Variants in SUGCT observed in about 807,000 individuals in gnomAD.
SUGCT encodes succinyl-CoA:glutarate-CoA transferase, also known as succinyl-CoA:glutarate CoA-transferase.
A neutral mutation model predicts 55.0 loss-of-function variants in SUGCT; 41 were observed. The observed-to-expected ratio is 0.74, with a 90% CI of 0.58 to 0.97. The LOEUF (loss-of-function observed/expected upper bound fraction) is 0.97. SUGCT is among the 50% of genes least tolerant of loss of function. SUGCT has a pLI of 0.00. For synonymous variants in SUGCT, 187 were observed against 200.4 expected (o/e 0.93, Z 0.56); for missense variants, 568 against 547.8 (o/e 1.04, Z -0.37).
intron 12 of SUGCT, among the ~76,000 whole-genome samples, chr7:40,563,911 T>G (rs1387703097): frequency 6.6e-6 from 1 of 152,092 alleles, no homozygotes; most frequent in Non-Finnish European, 1.5e-5. Context: ...ATATAAAAAG[T>G]AGTCCCCCAG....
At chr7:40,301,689 C>A (rs886131907) in intron 8 of SUGCT, among the ~76,000 whole-genome samples, 1 of 152,156 alleles carries the variant, frequency 6.6e-6, no homozygotes, top group Non-Finnish European at 1.5e-5. Context: ...TGTGACATGG[C>A]CAGAGAAGGA....
intron 12 of SUGCT, among the ~76,000 whole-genome samples, chr7:40,695,632 T>C (rs1784893567): frequency 6.6e-6 from 1 of 152,152 alleles, no homozygotes; most frequent in African/African-American, 2.4e-5. Context: ...CAATAGCAAA[T>C]ATTACTGAGA....
the SUGCT span, among the ~76,000 whole-genome samples, chr7:41,018,713 T>C: frequency 1.3e-5 from 2 of 152,228 alleles, no homozygotes; most frequent in Admixed American, 6.5e-5. Context: ...GAAGAAACTA[T>C]GGAGGATAGA....
At position 40,245,418 on chromosome 7, in the gene SUGCT, TATATA is replaced by T. The variant is rs1367605345; in HGVS notation, c.576+7693_576+7697del. 7.2e-3 allele frequency among the ~76,000 whole-genome samples: 222 copies of T among 30,992 alleles called. 7 individuals are homozygous for T. Among genetic ancestry groups the T allele is most frequent in the Admixed American group, 0.016 (32 of 2,046 alleles). The allele number at this position is 30,992 out of a possible 152,430, so 20.3% of individuals were successfully genotyped here. On this transcript the variant is annotated intron_variant, in intron 7 of 13. Coordinates refer to ENST00000335693, the MANE Select transcript of SUGCT (RefSeq NM_001193313.2). ...TACGTAGTAGACATATATATATATATATATATTTTTTTTTTTTTTTTTTTTTTTTT... is the reference window on the plus strand; with the variant it reads ...TACGTAGTAGACATATATATATATATTTTTTTTTTTTTTTTTTTTTTTTTT...
intron 7 of SUGCT, among the ~76,000 whole-genome samples, chr7:40,248,935 C>G (rs4720357): frequency 1.4e-5 from 2 of 145,694 alleles, no homozygotes; most frequent in Non-Finnish European, 3.1e-5. Flanking sequence ...CTCCCTCTCT[C>G]TCTGTCTCTC....
At position 40,267,016 on chromosome 7, in the gene SUGCT, A is replaced by C. The variant is rs909710906; in HGVS notation, c.577-7497A>C. ...GGGAGACAGAGCAAGACTCCATCTA[A>C]AAAAAACAAAAACAAACAAACAAAA... On this transcript the variant is annotated intron_variant, in intron 7 of 13. Coordinates refer to ENST00000335693, the MANE Select transcript of SUGCT (RefSeq NM_001193313.2). 3.5e-5 allele frequency among the ~76,000 whole-genome samples: 3 copies of C among 86,268 alleles called. No homozygotes were observed. In the South Asian group the frequency reaches 1.6e-3, roughly 46 times the overall value. The allele number at this position is 86,268 out of a possible 152,430, so 56.6% of individuals were successfully genotyped here. A position where few individuals can be genotyped will look rare whatever the true frequency, so the allele number is the denominator to read the frequency against.
At chr7:40,633,616 A>G (rs1216293499) in intron 12 of SUGCT, among the ~76,000 whole-genome samples, 2 of 152,158 alleles carry the variant, frequency 1.3e-5, no homozygotes, top group East Asian at 3.8e-4. Flanking sequence ...GAAAATTATA[A>G]CCAAAGAGCC....
chr7:40,346,206 T>C (rs548808733), intron 9 of SUGCT, among the ~76,000 whole-genome samples: 2 of 152,252 alleles, frequency 1.3e-5, no homozygotes, highest in South Asian at 4.1e-4. Flanking sequence ...TATACGTCTA[T>C]TTATTTTCAA....
Position 40,153,573 on chromosome 7 carries a change from A to G in SUGCT, c.100+18453A>G, listed in dbSNP as rs1788694218. 8.2e-6 allele frequency: 4 copies of G among 489,948 alleles called. No individual in the cohort carries two copies. The Admixed American group carries it at 8.6e-5, about 11-fold the overall frequency. The allele number at this position is 489,948 out of a possible 1,614,324, so 30.4% of individuals were successfully genotyped here. The stretch of plus-strand genomic sequence containing the variant: ...CTATGGGCACATTTTGGACCTATCA[A>G]CTCTTACCCCTGGGATACTCAGCCT... On this transcript the variant is annotated intron_variant, in intron 1 of 13. Coordinates refer to ENST00000335693, the MANE Select transcript of SUGCT (RefSeq NM_001193313.2).
chr7:40,299,044 G>A (rs1012295690), intron 8 of SUGCT, among the ~76,000 whole-genome samples: 4 of 152,096 alleles, frequency 2.6e-5, no homozygotes, highest in African/African-American at 4.8e-5. Context: ...ATTTCAATTT[G>A]TCCAACAGTG....
At chr7:40,165,598 A>T (rs754772132) in intron 1 of SUGCT, among the ~76,000 whole-genome samples, 52 of 152,150 alleles carry the variant, frequency 3.4e-4, no homozygotes, top group Non-Finnish European at 5.7e-4. Flanking sequence ...CAACTGTTTC[A>T]TGCCTTGTAA....
At chr7:40,140,467 C>T (rs1004737188) in intron 1 of SUGCT, among the ~76,000 whole-genome samples, 1 of 152,126 alleles carries the variant, frequency 6.6e-6, no homozygotes, top group Non-Finnish European at 1.5e-5. Flanking sequence ...GTTGTGCAAT[C>T]TCAGTTCATT....
chr7:40,299,819 A>T (rs1045708152), intron 8 of SUGCT, among the ~76,000 whole-genome samples: 1 of 152,126 alleles, frequency 6.6e-6, no homozygotes, highest in African/African-American at 2.4e-5. Flanking sequence ...GGAATCAACA[A>T]TTTTTTTATT....
chr7:40,611,949 ATTG>A (rs1344413735), intron 12 of SUGCT, among the ~76,000 whole-genome samples: 2 of 151,498 alleles, frequency 1.3e-5, no homozygotes, highest in Non-Finnish European at 2.9e-5. Context: ...AGTCATTTTT[ATTG>A]TTAATATTTT....
chr7:40,509,061 A>G lies in SUGCT; in HGVS notation c.1089+12675A>G, dbSNP rs75054520. ...ATCTCCCAAAGAACACATGGGCCAG[A>G]ATCATCCTGGAGCTTTGTTAAAATT... On this transcript the variant is annotated intron_variant, in intron 12 of 13. Coordinates refer to ENST00000335693, the MANE Select transcript of SUGCT (RefSeq NM_001193313.2). Among the ~76,000 whole-genome samples, 1,286 of 152,218 alleles carry G rather than the reference A, an allele frequency of 8.4e-3. 53 individuals carry two copies. The highest frequency in any genetic ancestry group is 0.066 in the Admixed American group (1,003 of 15,270).
At chr7:40,657,769 C>T (rs565680885) in intron 12 of SUGCT, among the ~76,000 whole-genome samples, 1 of 152,274 alleles carries the variant, frequency 6.6e-6, no homozygotes, top group African/African-American at 2.4e-5. Flanking sequence ...CTCCTGACCT[C>T]GTGATTCACC....
intron 12 of SUGCT, among the ~76,000 whole-genome samples, chr7:40,566,019 A>C (rs886668979): frequency 6.6e-6 from 1 of 150,560 alleles, no homozygotes; most frequent in East Asian, 2.0e-4. Flanking sequence ...ACACACACAC[A>C]CACACGAATA....
chr7:40,184,104 G>A (rs1305745099), intron 3 of SUGCT, among the ~76,000 whole-genome samples: 1 of 152,110 alleles, frequency 6.6e-6, no homozygotes, highest in African/African-American at 2.4e-5. Context: ...GAACCTGGGA[G>A]GCGGAGGTTG....
the SUGCT span, among the ~76,000 whole-genome samples, chr7:40,898,845 T>A: frequency 6.6e-6 from 1 of 152,024 alleles, no homozygotes; most frequent in African/African-American, 2.4e-5. Context: ...CATTAGGTGA[T>A]TCATGTGATC....
Sources: allele counts gnomAD v4.1 joint callset (sites outside exome capture counted in the v4.1 genomes callset), GRCh38; gene constraint gnomAD v4.1.1; transcripts MANE v1.5; gene names NCBI Gene and HGNC (gene_info 2026-07-23, HGNC 2026-07-21).